The following CDH2 variants were observed in gnomAD, a reference collection of about 807,000 sequenced individuals.
CDH2 encodes the protein cadherin 2.
Under a neutral mutation model 92.0 loss-of-function variants are expected in CDH2, and 17 were observed. The ratio of observed to expected loss-of-function variants is 0.18; its 90% CI spans 0.13 to 0.28. The LOEUF is 0.28. Among genes scored for constraint, CDH2 ranks in the 10% least tolerant of loss-of-function variants. The pLI, the probability that CDH2 is intolerant of heterozygous loss-of-function variation, is 1.00. For missense variants in CDH2, 862 were observed against 1,133.1 expected (o/e 0.76, Z 3.44); for synonymous variants, 419 against 415.9 (o/e 1.01, Z -0.09).
At chr18:27,939,015 G>A (rs1017929544) in intron 6 of CDH2, among the ~76,000 whole-genome samples, 2 of 152,168 alleles carry the variant, frequency 1.3e-5, no homozygotes, top group African/African-American at 4.8e-5. Flanking sequence ...ATCTCTATCT[G>A]TCAGGAGAAT....
chr18:28,146,344 T>C (rs757156145), intron 2 of CDH2: 8 of 151,972 alleles, frequency 5.3e-5, no homozygotes, highest in Non-Finnish European at 8.8e-5. Context: ...AGTAATAATT[T>C]AAAGATTTAA....
At chr18:28,114,034 T>C (rs2015455291) in intron 2 of CDH2, among the ~76,000 whole-genome samples, 1 of 152,020 alleles carries the variant, frequency 6.6e-6, no homozygotes, top group Non-Finnish European at 1.5e-5. Flanking sequence ...AGTAAGATGT[T>C]AGGTGGGAGA....
At chr18:27,965,590 T>G (rs1255023558) in intron 14 of CDH2, among the ~76,000 whole-genome samples, 1 of 152,230 alleles carries the variant, frequency 6.6e-6, no homozygotes, top group Non-Finnish European at 1.5e-5. Context: ...CACCTTGATC[T>G]TGCACAAATG....
intron 2 of CDH2, among the ~76,000 whole-genome samples, chr18:28,043,084 G>GAT (rs147788216): frequency 2.0e-5 from 3 of 151,974 alleles, no homozygotes; most frequent in South Asian, 4.2e-4. Context: ...TGTTGGCTGT[G>GAT]ATATATATAT....
chr18:28,034,676 A>G (rs2013781048), intron 2 of CDH2, among the ~76,000 whole-genome samples: 1 of 151,888 alleles, frequency 6.6e-6, no homozygotes, highest in Non-Finnish European at 1.5e-5. Flanking sequence ...GAAAACAACA[A>G]CCACAATAAA....
intron 1 of CDH2, among the ~76,000 whole-genome samples, chr18:28,161,828 C>T (rs114477877): frequency 1.2e-3 from 182 of 152,210 alleles, no homozygotes; most frequent in African/African-American, 4.2e-3. Flanking sequence ...CATTCTTGAC[C>T]TTTGGCCAAC....
chr18:28,023,318 A>AGG (rs2013460205), intron 2 of CDH2, among the ~76,000 whole-genome samples: 1 of 152,122 alleles, frequency 6.6e-6, no homozygotes, highest in Admixed American at 6.6e-5. Context: ...TCATGTATGA[A>AGG]TATGAATTAT....
chr18:28,125,521 T>A (rs1229236680), intron 2 of CDH2, among the ~76,000 whole-genome samples: 1 of 152,096 alleles, frequency 6.6e-6, no homozygotes, highest in Non-Finnish European at 1.5e-5. Context: ...CCAAAAAATG[T>A]GTTCTATGAG....
At chr18:28,050,084 C>T (rs1333516103) in intron 2 of CDH2, among the ~76,000 whole-genome samples, 1 of 152,152 alleles carries the variant, frequency 6.6e-6, no homozygotes, top group Admixed American at 6.5e-5. Context: ...TGGATCTAAG[C>T]CCAGCCTGGA....
chr18:28,036,049 A>G (rs931618422), intron 2 of CDH2, among the ~76,000 whole-genome samples: 1 of 152,172 alleles, frequency 6.6e-6, no homozygotes, highest in Non-Finnish European at 1.5e-5. Context: ...CACAAAAAAT[A>G]TTTGGCTTGT....
At chr18:27,968,803 C>T (rs566104491) in intron 14 of CDH2, among the ~76,000 whole-genome samples, 1 of 152,124 alleles carries the variant, frequency 6.6e-6, no homozygotes, top group South Asian at 2.1e-4. Flanking sequence ...AATTAAAATA[C>T]TCACATGGAA....
chr18:28,120,888 G>C (rs907754128), intron 2 of CDH2, among the ~76,000 whole-genome samples: 9 of 152,054 alleles, frequency 5.9e-5, no homozygotes, highest in African/African-American at 2.2e-4. Context: ...CTTAGGTAAG[G>C]GTTTCAGCCC....
chr18:28,122,933 G>T (rs1351103477), intron 2 of CDH2, among the ~76,000 whole-genome samples: 1 of 152,044 alleles, frequency 6.6e-6, no homozygotes, highest in African/African-American at 2.4e-5. Context: ...TATCAAGATA[G>T]ATGTTTCTAG....
At chr18:28,115,005 G>A (rs1187961439) in intron 2 of CDH2, among the ~76,000 whole-genome samples, 1 of 152,114 alleles carries the variant, frequency 6.6e-6, no homozygotes, top group Admixed American at 6.6e-5. Context: ...GCCCAGTCCA[G>A]CTAAGTGTAA....
At chr18:28,176,229 A>T (rs553007645) in intron 1 of CDH2, among the ~76,000 whole-genome samples, 1 of 152,312 alleles carries the variant, frequency 6.6e-6, no homozygotes, top group South Asian at 2.1e-4. Flanking sequence ...GCAGCCGGAC[A>T]GAGAAAGGAG....
chr18:28,094,792 TAAAA>T (rs35744873), intron 2 of CDH2, among the ~76,000 whole-genome samples: 20 of 82,384 alleles, frequency 2.4e-4, no homozygotes, highest in African/African-American at 8.2e-4. Context: ...AGACTCTGTC[TAAAA>T]AAAAAAAAAA....
intron 5 of CDH2, among the ~76,000 whole-genome samples, chr18:28,007,153 C>CCA (rs1269133619): frequency 1.5e-5 from 1 of 68,030 alleles, no homozygotes; most frequent in Non-Finnish European, 2.8e-5. Flanking sequence ...GAGTGAGACT[C>CCA]CATAAAAAAA....
intron 1 of CDH2, among the ~76,000 whole-genome samples, chr18:28,176,613 C>A (rs1399518752): frequency 2.6e-5 from 4 of 152,126 alleles, no homozygotes; most frequent in Non-Finnish European, 5.9e-5. Context: ...GCGAAAGGCA[C>A]AGAAAACTGC....
At chr18:28,053,065 G>A (rs1188578204) in intron 2 of CDH2, among the ~76,000 whole-genome samples, 1 of 152,140 alleles carries the variant, frequency 6.6e-6, no homozygotes, top group African/African-American at 2.4e-5. Context: ...ACAGCTAGAA[G>A]GCTATCGGGG....
Sources: allele counts gnomAD v4.1 joint callset (sites outside exome capture counted in the v4.1 genomes callset), GRCh38; gene constraint gnomAD v4.1.1; transcripts MANE v1.5; gene names NCBI Gene and HGNC (gene_info 2026-07-23, HGNC 2026-07-21).